DNAH11: variants seen among roughly 807,000 people sequenced by gnomAD.
DNAH11 encodes axonemal beta dynein heavy chain 11.
In DNAH11, 442 loss-of-function variants were observed where a neutral mutation model predicts 526.0. That is an observed-to-expected ratio of 0.84 (90% CI 0.78 to 0.91). The LOEUF (loss-of-function observed/expected upper bound fraction) is 0.91. DNAH11 is among the 40% of genes least tolerant of loss of function. The pLI is 0.00. For synonymous variants in DNAH11, 2,461 were observed against 1,935.9 expected (o/e 1.27, Z -7.12); for missense variants, 6,989 against 5,448.7 (o/e 1.28, Z -8.90).
At chr7:21,551,873 T>C (rs955845401) in intron 2 of DNAH11, among the ~76,000 whole-genome samples, 1 of 152,064 alleles carries the variant, frequency 6.6e-6, no homozygotes, top group Non-Finnish European at 1.5e-5. Context: ...AAATAATTTT[T>C]TTAACTACTA....
intron 30 of DNAH11, among the ~76,000 whole-genome samples, chr7:21,678,395 C>T (rs897011750): frequency 2.6e-5 from 4 of 152,076 alleles, no homozygotes; most frequent in Admixed American, 1.3e-4. Context: ...ACTCTCTATT[C>T]TGTTCCACTG....
chr7:21,860,359 C>T (rs1162746296), intron 68 of DNAH11, among the ~76,000 whole-genome samples: 1 of 151,830 alleles, frequency 6.6e-6, no homozygotes, highest in African/African-American at 2.4e-5. Context: ...TGCACAATGG[C>T]ACAGCCACTA....
chr7:21,885,847 G>C (rs1296446425), intron 76 of DNAH11, among the ~76,000 whole-genome samples: 2 of 152,320 alleles, frequency 1.3e-5, no homozygotes, highest in African/African-American at 4.8e-5. Context: ...AAAAGACCAA[G>C]CATCCTTTTC....
chr7:21,588,781 C>A lies in DNAH11; in HGVS notation c.1973+145C>A. 4.5e-6 allele frequency: 4 copies of A among 887,976 alleles called. No individual in the cohort carries two copies. In the South Asian group the frequency reaches 6.7e-5, roughly 15 times the overall value. The allele number at this position is 887,976 out of a possible 1,614,324, so 55.0% of individuals were successfully genotyped here. A position where few individuals can be genotyped will look rare whatever the true frequency, so the allele number is the denominator to read the frequency against. Reference sequence around the variant, plus strand: ...CTGGTTGGGTTTGTGGAGAGGGATTCATTCCCATGGTTTTGGAATATTTCT... The same window carrying A: ...CTGGTTGGGTTTGTGGAGAGGGATTAATTCCCATGGTTTTGGAATATTTCT... On this transcript the variant is annotated intron_variant, in intron 11 of 81. Transcript: ENST00000409508.
At chr7:21,831,416 A>G (rs530898581) in intron 65 of DNAH11, among the ~76,000 whole-genome samples, 7 of 152,194 alleles carry the variant, frequency 4.6e-5, no homozygotes, top group African/African-American at 1.4e-4. Flanking sequence ...TTTAGCAGCA[A>G]TGATAAAACC....
At position 21,851,548 on chromosome 7, in the gene DNAH11, T is replaced by A. The variant is rs189353665; in HGVS notation, c.10897-919T>A. On this transcript the variant is annotated intron_variant, in intron 66 of 81. Coordinates refer to ENST00000409508, the MANE Select transcript of DNAH11 (RefSeq NM_001277115.2). ...AAAATGGTTACTTTCCCTCTGAGCT[T>A]ATGTCATAATGGTTACTTTTCCCAT... 6.0e-4 allele frequency: 282 copies of A among 471,518 alleles called. 5 individuals carry two copies. In the East Asian group the frequency reaches 0.018, roughly 30 times the overall value. 29.2% of individuals were successfully genotyped at this position (471,518 alleles called of 1,614,324 possible). A position where few individuals can be genotyped will look rare whatever the true frequency, so the allele number is the denominator to read the frequency against.
At chr7:21,572,310 A>G (rs1783924575) in intron 8 of DNAH11, among the ~76,000 whole-genome samples, 1 of 152,164 alleles carries the variant, frequency 6.6e-6, no homozygotes, top group Admixed American at 6.5e-5. Context: ...CATTTTCTTG[A>G]ATCACTGGAT....
rs528954381 is a variant in DNAH11 at position 21,865,336 on chromosome 7, T to C, written c.11496+679T>C. Reference sequence around the variant, plus strand: ...ATATATGTTCAGCTTTTTAAAGTAGTATTTGTAATTAGATTGTAACTTTAG... The same window carrying C: ...ATATATGTTCAGCTTTTTAAAGTAGCATTTGTAATTAGATTGTAACTTTAG... On this transcript the variant is annotated intron_variant, in intron 70 of 81. Coordinates refer to ENST00000409508, the MANE Select transcript of DNAH11 (RefSeq NM_001277115.2). Among the ~76,000 whole-genome samples the C allele has an allele frequency of 3.3e-5, 5 of 152,376 alleles. No individual in the cohort carries two copies. The South Asian group carries it at 1.0e-3, about 32-fold the overall frequency.
chr7:21,604,719 A>G (rs1419132354), intron 18 of DNAH11, among the ~76,000 whole-genome samples: 1 of 152,194 alleles, frequency 6.6e-6, no homozygotes, highest in Non-Finnish European at 1.5e-5. Context: ...GGAATCCCCA[A>G]ATATAAAGCA....
chr7:21,590,770 A>C (rs1784644259), intron 12 of DNAH11, 148 bp from the exon 13 acceptor site: 1 of 481,350 alleles, frequency 2.1e-6, no homozygotes, highest in African/African-American at 2.0e-5. Flanking sequence ...TTTGTTTTTA[A>C]AAAGTATATG....
At chr7:21,708,554 C>T (rs1784353773) in intron 40 of DNAH11, among the ~76,000 whole-genome samples, 1 of 152,204 alleles carries the variant, frequency 6.6e-6, no homozygotes, top group African/African-American at 2.4e-5. Flanking sequence ...CTTTTGATTT[C>T]TAGTGGGTTC....
intron 2 of DNAH11, among the ~76,000 whole-genome samples, chr7:21,547,056 A>G (rs369169762): frequency 6.6e-6 from 1 of 152,238 alleles, no homozygotes; most frequent in Non-Finnish European, 1.5e-5. Context: ...TTACAAATGC[A>G]AAAACTACAC....
At chr7:21,612,554 C>CAAAAAAAAAAAAAA (rs34356379) in intron 20 of DNAH11, among the ~76,000 whole-genome samples, 7 of 81,238 alleles carry the variant, frequency 8.6e-5, no homozygotes, top group African/African-American at 3.6e-4. Context: ...GGCTCCGTCT[C>CAAAAAAAAAAAAAA]AAAAAAAAAA....
intron 35 of DNAH11, among the ~76,000 whole-genome samples, chr7:21,693,073 C>T (rs1287809145): frequency 6.6e-6 from 1 of 152,060 alleles, no homozygotes; most frequent in African/African-American, 2.4e-5. Flanking sequence ...TTCTTTTGTC[C>T]ATCAAAGATA....
intron 2 of DNAH11, among the ~76,000 whole-genome samples, chr7:21,549,099 G>A (rs1428388244): frequency 2.0e-5 from 3 of 152,080 alleles, no homozygotes; most frequent in East Asian, 3.9e-4. Context: ...GGCTGGTCTC[G>A]AACTCCTGAC....
chr7:21,611,329 C>G (rs1785514614), intron 20 of DNAH11, among the ~76,000 whole-genome samples: 1 of 152,166 alleles, frequency 6.6e-6, no homozygotes, highest in South Asian at 2.1e-4. Flanking sequence ...GAGGATTACC[C>G]TATCAGCTTT....
chr7:21,552,250 C>G (rs917744179), intron 2 of DNAH11, among the ~76,000 whole-genome samples: 3 of 152,192 alleles, frequency 2.0e-5, no homozygotes, highest in Admixed American at 6.5e-5. Flanking sequence ...CCTGAATTTC[C>G]TTTGGGACCA....
At chr7:21,635,216 G>A (rs112017400) in intron 25 of DNAH11, among the ~76,000 whole-genome samples, 1 of 152,098 alleles carries the variant, frequency 6.6e-6, no homozygotes, top group African/African-American at 2.4e-5. Context: ...GAGTGCAGTG[G>A]CGTGATCTCA....
intron 25 of DNAH11, among the ~76,000 whole-genome samples, chr7:21,627,921 G>C (rs1169475134): frequency 6.6e-6 from 1 of 151,906 alleles, no homozygotes; most frequent in Non-Finnish European, 1.5e-5. Context: ...ATATCTTTCT[G>C]TTTTTTGTGT....
Sources: allele counts gnomAD v4.1 joint callset (sites outside exome capture counted in the v4.1 genomes callset), GRCh38; gene constraint gnomAD v4.1.1; transcripts MANE v1.5; gene names NCBI Gene and HGNC (gene_info 2026-07-23, HGNC 2026-07-21).